SAMD5: variants seen among roughly 807,000 people sequenced by gnomAD.
SAMD5 encodes sterile alpha motif domain-containing protein 5.
SAMD5 carries 13 observed loss-of-function variants against 11.3 expected under a neutral mutation model. The ratio of observed to expected loss-of-function variants is 1.15; its 90% CI spans 0.75 to 1.83. The LOEUF is 1.83. SAMD5 is among the 40% of genes most tolerant of loss of function. SAMD5 has a pLI of 0.00. For missense variants in SAMD5, 255 were observed against 239.1 expected (o/e 1.07, Z -0.44); for synonymous variants, 129 against 111.3 (o/e 1.16, Z -1.00).
chr6:147,540,578 G>A (rs1258532284), intron 1 of SAMD5, among the ~76,000 whole-genome samples: 3 of 152,166 alleles, frequency 2.0e-5, no homozygotes, highest in Non-Finnish European at 4.4e-5. Context: ...CCTGCTGCAA[G>A]CTTATGGGGG....
Position 147,568,514 on chromosome 6 carries a change from A to G in SAMD5, c.*4058A>G. 1.0e-6 allele frequency: 1 copy of G among 985,394 alleles called. No homozygotes were observed. Among genetic ancestry groups the G allele is most frequent in the Non-Finnish European group, 1.2e-6 (1 of 829,880 alleles). The allele number at this position is 985,394 out of a possible 1,614,324, so 61.0% of individuals were successfully genotyped here. The stretch of plus-strand genomic sequence containing the variant: ...AAGGGTGGAACATTGCATCTAGGGA[A>G]AATAAGAGAAATAAGTGAAAGTCTG... On this transcript the variant is annotated 3_prime_UTR_variant, in exon 2 of 2. Transcript: ENST00000367474.
Position 147,565,889 on chromosome 6 carries a change from A to C in SAMD5, c.*1433A>C, listed in dbSNP as rs553301468. On this transcript the variant is annotated 3_prime_UTR_variant, in exon 2 of 2. Coordinates refer to ENST00000367474, the MANE Select transcript of SAMD5 (RefSeq NM_001030060.3). Reference sequence around the variant, plus strand: ...GCTCCTGAGGCTGTCAATTGTTTAGAGCTCCCAAGTAGTACTGCATTACGG... The same window carrying C: ...GCTCCTGAGGCTGTCAATTGTTTAGCGCTCCCAAGTAGTACTGCATTACGG... The C allele has an allele frequency of 4.1e-6, 4 of 985,420 alleles. No homozygotes were observed. The African/African-American group carries it at 7.0e-5, about 17-fold the overall frequency. The allele number at this position is 985,420 out of a possible 1,614,324, so 61.0% of individuals were successfully genotyped here.
chr6:147,947,984 G>C, the SAMD5 span, among the ~76,000 whole-genome samples: 2 of 151,636 alleles, frequency 1.3e-5, no homozygotes, highest in Admixed American at 6.6e-5. Context: ...TTGCTTTTCT[G>C]TTCTCCTCCT....
chr6:147,746,730 T>C, the SAMD5 span, among the ~76,000 whole-genome samples: 1 of 152,164 alleles, frequency 6.6e-6, no homozygotes, highest in Non-Finnish European at 1.5e-5. Flanking sequence ...AGAGGTGGAT[T>C]TCAAAAACTA....
At chr6:147,770,408 C>G in the SAMD5 span, among the ~76,000 whole-genome samples, 2 of 152,210 alleles carry the variant, frequency 1.3e-5, no homozygotes, top group Non-Finnish European at 2.9e-5. Context: ...GAACTTATGA[C>G]TATCAGCATG....
intron 1 of SAMD5, among the ~76,000 whole-genome samples, chr6:147,593,734 G>A (rs1789489554): frequency 6.6e-6 from 1 of 152,134 alleles, no homozygotes; most frequent in Admixed American, 6.5e-5. Context: ...GTCATGTCTT[G>A]AATTTGCTTT....
intron 1 of SAMD5, among the ~76,000 whole-genome samples, chr6:147,716,396 G>A (rs936222546): frequency 4.6e-5 from 7 of 152,258 alleles, no homozygotes; most frequent in African/African-American, 9.6e-5. Flanking sequence ...GCCTGCAAGG[G>A]TAGGGGTTCC....
At chr6:147,720,356 G>A (rs867901918) in intron 1 of SAMD5, among the ~76,000 whole-genome samples, 5 of 152,230 alleles carry the variant, frequency 3.3e-5, no homozygotes, top group East Asian at 1.9e-4. Flanking sequence ...CCAGCTACTC[G>A]GGAGGCTGAG....
intron 1 of SAMD5, among the ~76,000 whole-genome samples, chr6:147,589,917 C>T (rs1284492049): frequency 6.6e-6 from 1 of 152,130 alleles, no homozygotes. Flanking sequence ...ATGATGTATT[C>T]TTCACAGATA....
chr6:147,784,241 C>A, the SAMD5 span, among the ~76,000 whole-genome samples: 318 of 152,038 alleles, frequency 2.1e-3, no homozygotes, highest in African/African-American at 7.4e-3. Context: ...TCTTTTCTAG[C>A]CCATAGGAAG....
At chr6:147,732,536 G>A (rs752268089) in intron 1 of SAMD5, among the ~76,000 whole-genome samples, 17 of 152,196 alleles carry the variant, frequency 1.1e-4, no homozygotes, top group Non-Finnish European at 2.1e-4. Context: ...TTATGTCAAG[G>A]TGAGAGCTTG....
At chr6:147,686,722 C>G (rs1430025345) in intron 1 of SAMD5, among the ~76,000 whole-genome samples, 1 of 148,784 alleles carries the variant, frequency 6.7e-6, no homozygotes, top group Non-Finnish European at 1.5e-5. Flanking sequence ...TTTTTTTTTC[C>G]TCACTCAACG....
the SAMD5 span, among the ~76,000 whole-genome samples, chr6:147,833,612 G>A: frequency 1.3e-5 from 2 of 152,314 alleles, no homozygotes; most frequent in East Asian, 3.9e-4. Flanking sequence ...GTAAAACCTT[G>A]TTGTGGTTCC....
chr6:147,661,096 A>G (rs1018672566), intron 1 of SAMD5, among the ~76,000 whole-genome samples: 11 of 152,168 alleles, frequency 7.2e-5, no homozygotes, highest in African/African-American at 2.7e-4. Context: ...CTGGATGACA[A>G]TAGGCAATTA....
At chr6:147,875,399 C>T in the SAMD5 span, among the ~76,000 whole-genome samples, 1 of 152,278 alleles carries the variant, frequency 6.6e-6, no homozygotes, top group African/African-American at 2.4e-5. Context: ...GTATGACCTT[C>T]TTTACACCCC....
the SAMD5 span, among the ~76,000 whole-genome samples, chr6:147,795,071 T>TA: frequency 3.6e-5 from 5 of 138,550 alleles, no homozygotes; most frequent in African/African-American, 8.4e-5. Flanking sequence ...TATTTTTTTT[T>TA]ATTATTATTA....
chr6:147,696,707 G>C (rs1791181496), intron 1 of SAMD5, among the ~76,000 whole-genome samples: 2 of 152,062 alleles, frequency 1.3e-5, no homozygotes, highest in Non-Finnish European at 2.9e-5. Flanking sequence ...GAGTGACTTT[G>C]GGCAGTTTAT....
the SAMD5 span, among the ~76,000 whole-genome samples, chr6:147,825,094 C>T: frequency 2.1e-4 from 32 of 152,164 alleles, no homozygotes; most frequent in African/African-American, 7.7e-4. Flanking sequence ...CACAGGAGTT[C>T]GAGACCAGCC....
At chr6:147,923,214 C>T in the SAMD5 span, among the ~76,000 whole-genome samples, 6 of 152,258 alleles carry the variant, frequency 3.9e-5, no homozygotes, top group Admixed American at 2.6e-4. Context: ...CTCCAGAATG[C>T]GGGTTTATAA....
Sources: gnomAD v4.1 joint callset for allele counts (sites outside exome capture counted in the v4.1 genomes callset) on GRCh38, gnomAD v4.1.1 for gene constraint, MANE v1.5 for transcripts, NCBI Gene and HGNC (gene_info 2026-07-23, HGNC 2026-07-21) for gene names.